Variants in KCNQ3 observed in about 807,000 individuals in gnomAD.
The protein encoded by KCNQ3 is potassium voltage-gated channel subfamily KQT member 3.
Under a neutral mutation model 92.5 loss-of-function variants are expected in KCNQ3, and 30 were observed. The observed-to-expected ratio is 0.32, with a 90% CI of 0.24 to 0.44. The LOEUF (loss-of-function observed/expected upper bound fraction) is 0.44. Among genes scored for constraint, KCNQ3 ranks in the 20% least tolerant of loss-of-function variants. KCNQ3 has a pLI of 1.00. For missense variants in KCNQ3, 913 were observed against 1,140.3 expected, an observed-to-expected ratio of 0.80 and a Z score of 2.87; for synonymous variants, 450 against 468.8, an observed-to-expected ratio of 0.96 and a Z score of 0.52.
intron 1 of KCNQ3, among the ~76,000 whole-genome samples, chr8:132,256,256 G>A (rs1231359364): frequency 6.6e-6 from 1 of 151,872 alleles, no homozygotes; most frequent in African/African-American, 2.4e-5. Flanking sequence ...TGAGCTGGAA[G>A]AATAAAAATA....
intron 9 of KCNQ3, among the ~76,000 whole-genome samples, chr8:132,150,877 C>T (rs1825616149): frequency 6.6e-6 from 1 of 151,834 alleles, no homozygotes; most frequent in Non-Finnish European, 1.5e-5. Context: ...AATTAATTGG[C>T]CTAAAAGAAG....
Position 132,127,959 on chromosome 8 carries a change from T to C in KCNQ3, c.*1303A>G, listed in dbSNP as rs1824725295. On this transcript the variant is annotated 3_prime_UTR_variant, in exon 15 of 15. Coordinates refer to ENST00000388996, the MANE Select transcript of KCNQ3 (RefSeq NM_004519.4). ...TTGGAAAAGTAAAATTGGACGGTTC[T>C]GGAAATTTTGCCTGTTTACACATCT... 1 of 152,252 alleles carries C rather than the reference T, an allele frequency of 6.6e-6. No homozygotes were observed. The highest frequency in any genetic ancestry group is 2.1e-4 in the South Asian group (1 of 4,832). 9.4% of individuals were successfully genotyped at this position (152,252 alleles called of 1,614,324 possible).
intron 1 of KCNQ3, among the ~76,000 whole-genome samples, chr8:132,385,666 C>G (rs764546946): frequency 1.3e-5 from 2 of 152,162 alleles, no homozygotes; most frequent in African/African-American, 2.4e-5. Context: ...AGAAGACCCT[C>G]ACCTTGAAGA....
At chr8:132,151,326 AACAGT>A (rs1825630557) in intron 9 of KCNQ3, among the ~76,000 whole-genome samples, 1 of 152,248 alleles carries the variant, frequency 6.6e-6, no homozygotes, top group African/African-American at 2.4e-5. Flanking sequence ...GGCGTGTAAG[AACAGT>A]AAAATGTGTT....
chr8:132,369,787 A>G (rs1249206910), intron 1 of KCNQ3, among the ~76,000 whole-genome samples: 1 of 152,202 alleles, frequency 6.6e-6, no homozygotes, highest in Admixed American at 6.5e-5. Context: ...TCGTCCACAC[A>G]CCTGGCATTA....
At chr8:132,459,889 T>G (rs1822023960) in intron 1 of KCNQ3, among the ~76,000 whole-genome samples, 1 of 152,154 alleles carries the variant, frequency 6.6e-6, no homozygotes, top group African/African-American at 2.4e-5. Context: ...TCATATTTAT[T>G]CACTCATTTA....
intron 1 of KCNQ3, among the ~76,000 whole-genome samples, chr8:132,322,163 G>A (rs370384257): frequency 1.2e-4 from 19 of 152,096 alleles, no homozygotes; most frequent in Non-Finnish European, 2.2e-4. Flanking sequence ...GCAATTCTTC[G>A]GTGGCATCTT....
intron 1 of KCNQ3, among the ~76,000 whole-genome samples, chr8:132,265,453 G>A (rs1295277032): frequency 2.0e-5 from 3 of 152,184 alleles, no homozygotes; most frequent in South Asian, 2.1e-4. Flanking sequence ...GAAAAACCAC[G>A]GCATTATTCA....
chr8:132,293,518 A>C (rs1383242848), intron 1 of KCNQ3, among the ~76,000 whole-genome samples: 6 of 143,120 alleles, frequency 4.2e-5, no homozygotes, highest in Non-Finnish European at 7.8e-5. Context: ...GAGGAAAAAC[A>C]CTTTAAGAGA....
Position 132,213,454 on chromosome 8 carries a change from C to G in KCNQ3, c.387-27273G>C, listed in dbSNP as rs546539216. On this transcript the variant is annotated intron_variant, in intron 1 of 14. Transcript: ENST00000388996. ...GAGTTGGTCTCCTTGAAGGAGTTTT[C>G]CCAGTTTGGCAGGACAGGCTATTTC... Among the ~76,000 whole-genome samples the G allele has an allele frequency of 7.9e-5, 12 of 152,294 alleles. No individual in the cohort carries two copies. The East Asian group carries it at 2.1e-3, about 27-fold the overall frequency.
intron 12 of KCNQ3, 99 bp downstream of exon 12, chr8:132,137,786 C>T (rs892521647): frequency 3.6e-5 from 51 of 1,413,664 alleles, no homozygotes; most frequent in Non-Finnish European, 4.3e-5. Flanking sequence ...TAAAATCTCT[C>T]CCTGCATTTT....
chr8:132,251,334 C>A (rs1037074267), intron 1 of KCNQ3, among the ~76,000 whole-genome samples: 4 of 152,124 alleles, frequency 2.6e-5, no homozygotes, highest in African/African-American at 9.7e-5. Flanking sequence ...AGAAGGGGAG[C>A]AGCATACAAT....
rs572569862 is a variant in KCNQ3, at chr8:132,129,093, C to T, written c.*169G>A. On this transcript the variant is annotated 3_prime_UTR_variant, in exon 15 of 15. Transcript: ENST00000388996. This position sits in a 1 kb window ranked among gnomAD's most constrained non-coding sequence, Gnocchi z 5.9. ...AAAAGGAAGCACTTTGTTGTGGTGA[C>T]ATGGGGAGGAAGAGGCTGTGGGAAG... 8.8e-6 allele frequency: 6 copies of T among 680,844 alleles called. No homozygotes were observed. The South Asian group carries it at 9.1e-5, about 10-fold the overall frequency. 42.2% of individuals were successfully genotyped at this position (680,844 alleles called of 1,614,324 possible).
intron 1 of KCNQ3, among the ~76,000 whole-genome samples, chr8:132,205,904 C>CCT (rs1813642716): frequency 6.6e-6 from 1 of 152,084 alleles, no homozygotes; most frequent in Non-Finnish European, 1.5e-5. Flanking sequence ...CAGAGCATCA[C>CCT]CTCTCTCTCT....
intron 1 of KCNQ3, among the ~76,000 whole-genome samples, chr8:132,471,165 G>C (rs575834265): frequency 6.6e-6 from 1 of 152,296 alleles, no homozygotes; most frequent in Middle Eastern, 3.4e-3. Flanking sequence ...GAATCTGTCA[G>C]AAATGCAGCT....
At chr8:132,237,155 T>C (rs369943623) in intron 1 of KCNQ3, among the ~76,000 whole-genome samples, 1 of 152,216 alleles carries the variant, frequency 6.6e-6, no homozygotes, top group Admixed American at 6.5e-5. Context: ...ACTAAGTTTA[T>C]GGTAATTAGT....
chr8:132,439,483 G>C (rs1821479423), intron 1 of KCNQ3, among the ~76,000 whole-genome samples: 1 of 152,050 alleles, frequency 6.6e-6, no homozygotes, highest in African/African-American at 2.4e-5. Flanking sequence ...TTAACCCCCA[G>C]AATCTGTGCT....
chr8:132,434,207 C>T (rs1297442300), intron 1 of KCNQ3, among the ~76,000 whole-genome samples: 1 of 130,750 alleles, frequency 7.6e-6, no homozygotes, highest in Non-Finnish European at 1.6e-5. Context: ...GACTCCGTCT[C>T]AAAAAAAAAA....
At chr8:132,436,955 T>C (rs1821409337) in intron 1 of KCNQ3, among the ~76,000 whole-genome samples, 1 of 152,180 alleles carries the variant, frequency 6.6e-6, no homozygotes, top group South Asian at 2.1e-4. Flanking sequence ...GGAGTTGGAC[T>C]AATCTTTTGT....
Sources: gnomAD v4.1 joint callset for allele counts (sites outside exome capture counted in the v4.1 genomes callset) on GRCh38, gnomAD v4.1.1 for gene constraint, Gnocchi (gnomAD v3.1) non-coding constraint, MANE v1.5 for transcripts, NCBI Gene and HGNC (gene_info 2026-07-23, HGNC 2026-07-21) for gene names.